Variants in NKX2-6 observed in about 807,000 individuals in gnomAD.
NKX2-6 encodes NK2 homeobox 6.
Under a neutral mutation model 8.6 loss-of-function variants are expected in NKX2-6, and 8 were observed. The observed-to-expected ratio is 0.93, with a 90% confidence interval of 0.54 to 1.67. The LOEUF is 1.67. Among genes scored for constraint, NKX2-6 ranks in the 40% most tolerant of loss-of-function variants. NKX2-6 has a pLI of 0.00. For synonymous variants in NKX2-6, 210 were observed against 199.3 expected, an observed-to-expected ratio of 1.05 and a Z score of -0.45; for missense variants, 475 against 423.1, an observed-to-expected ratio of 1.12 and a Z score of -1.08.
chr8:23,704,401 C>T (rs887539572), intron 1 of NKX2-6, among the ~76,000 whole-genome samples: 2 of 152,188 alleles, frequency 1.3e-5, no homozygotes, highest in Admixed American at 6.5e-5. Flanking sequence ...GCGTTTTCCT[C>T]CCTTCTCACT....
At position 23,706,520 on chromosome 8, in the gene NKX2-6, C is replaced by T. The variant is rs1801094795; in HGVS notation, c.79G>A (p.Ala27Thr). 6.5e-7 allele frequency: 1 copy of T among 1,537,492 alleles called. No individual in the cohort carries two copies. The highest frequency in any genetic ancestry group is 8.7e-7 in the Non-Finnish European group (1 of 1,146,928). The change falls in exon 1 of 2, where the codon GCG (alanine) becomes ACG (threonine). Residue 27 changes from alanine (A) to threonine (T), a missense_variant. By Grantham distance (58) the Ala-to-Thr change is moderately conservative (BLOSUM62 0). Transcript: ENST00000325017. ...CGCACCCGCGGATGTGGCGAAGCCG[C>T]GGGGCAGCTCCGCTCGCGCTCCAGT... ...LRLERERSCP[A>T]ASPHPRVRKS...
chr8:23,704,983 G>C (rs1312059302), intron 1 of NKX2-6, among the ~76,000 whole-genome samples: 1 of 152,214 alleles, frequency 6.6e-6, no homozygotes, highest in Admixed American at 6.5e-5. Flanking sequence ...CCGCGGCCTT[G>C]GGCTCAGTTC....
Position 23,706,670 on chromosome 8 carries a change from C to A in NKX2-6, c.-72G>T. On this transcript the variant is annotated 5_prime_UTR_variant, in exon 1 of 2. Transcript: ENST00000325017. ...GCACCCTGAACTTCCCGTCTTGTCG[C>A]TGCAGGCCCCGCAGACAGACCCAAG... The A allele has an allele frequency of 7.0e-7, 1 of 1,435,750 alleles. No homozygotes were observed. Among genetic ancestry groups the A allele is most frequent in the South Asian group, 1.4e-5 (1 of 73,474 alleles). The allele number at this position is 1,435,750 out of a possible 1,614,324, so 88.9% of individuals were successfully genotyped here.
chr8:23,704,028 C>A (rs1174538234), intron 1 of NKX2-6, among the ~76,000 whole-genome samples: 1 of 152,180 alleles, frequency 6.6e-6, no homozygotes, highest in Non-Finnish European at 1.5e-5. Context: ...GGCTGTAAGT[C>A]CAGGAGCGGG....
chr8:23,705,876 G>T (rs2117599780), intron 1 of NKX2-6, among the ~76,000 whole-genome samples: 1 of 152,328 alleles, frequency 6.6e-6, no homozygotes, highest in Non-Finnish European at 1.5e-5. Flanking sequence ...TGACCTCAGC[G>T]CCACGAGGGT....
Position 23,702,902 on chromosome 8 carries a change from T to G in NKX2-6, c.455A>C (p.Lys152Thr), listed in dbSNP as rs751396105. 17 of 1,553,606 alleles carry G rather than the reference T, an allele frequency of 1.1e-5. No individual in the cohort carries two copies. In the Admixed American group the frequency reaches 1.6e-4, roughly 14 times the overall value. The change falls in exon 2 of 2, where the codon AAG (lysine) becomes ACG (threonine). Residue 152 changes from lysine (K) to threonine (T), a missense_variant. Coordinates refer to ENST00000325017, the MANE Select transcript of NKX2-6 (RefSeq NM_001136271.3). ...GGGCGCTGACAGGTACCGCTGCTGC[T>G]TGAAGCGCCGCTCCAGGGCCAGCAC... is the stretch of plus-strand genomic sequence containing the variant. ...AQVLALERRF[K>T]QQRYLSAPER...
chr8:23,703,192 C>T lies in NKX2-6; in HGVS notation c.275-110G>A, dbSNP rs541951319. The T allele has an allele frequency of 3.6e-5, 45 of 1,244,378 alleles. No individual in the cohort carries two copies. In the Admixed American group the frequency reaches 4.0e-4, roughly 11 times the overall value. The allele number at this position is 1,244,378 out of a possible 1,614,324, so 77.1% of individuals were successfully genotyped here. A position where few individuals can be genotyped will look rare whatever the true frequency, so the allele number is the denominator to read the frequency against. On this transcript the variant is annotated intron_variant, in intron 1 of 1. Transcript: ENST00000325017. ...CCTGGCAGCCTTCACTCTGCGCAGG[C>T]TCCTCCTCCCTCCTACTGCCCCCGA... is the stretch of plus-strand genomic sequence containing the variant.
rs55778611 is a variant in NKX2-6, at chr8:23,703,375, T to C, written c.275-293A>G. Among the ~76,000 whole-genome samples the C allele has an allele frequency of 4.9e-3, 742 of 152,160 alleles. 3 individuals carry two copies. Among genetic ancestry groups the C allele is most frequent in the African/African-American group, 0.017 (695 of 41,508 alleles). Reference sequence around the variant, plus strand: ...CTAAAGGTAGACTCTAGATAAAGAGTTAAGGCAGCTCCATTTGCTTCTTAG... The same window carrying C: ...CTAAAGGTAGACTCTAGATAAAGAGCTAAGGCAGCTCCATTTGCTTCTTAG... On this transcript the variant is annotated intron_variant, in intron 1 of 1. Coordinates refer to ENST00000325017, the MANE Select transcript of NKX2-6 (RefSeq NM_001136271.3).
chr8:23,705,810 G>T (rs905299289), intron 1 of NKX2-6, among the ~76,000 whole-genome samples: 39 of 152,234 alleles, frequency 2.6e-4, no homozygotes, highest in Non-Finnish European at 1.0e-4. Flanking sequence ...AAAAATCCAT[G>T]AGGAGGAATG....
At chr8:23,703,352 A>G (rs535535649) in intron 1 of NKX2-6, among the ~76,000 whole-genome samples, 3 of 152,248 alleles carry the variant, frequency 2.0e-5, no homozygotes, top group African/African-American at 7.2e-5. Context: ...TCCTTTTCCT[A>G]AAGGTAGACT....
chr8:23,703,319 A>C lies in NKX2-6; in HGVS notation c.275-237T>G, dbSNP rs10481332. Among the ~76,000 whole-genome samples, 68,899 of 151,990 alleles carry C rather than the reference A, an allele frequency of 0.45. 15,795 individuals are homozygous for C. The highest frequency in any genetic ancestry group is 0.54 in the South Asian group (2,596 of 4,822). ...TACTGCTGGAACATAAATTGTGACA[A>C]CCTATGGTCCCTCGTGTGTGCGTCC... On this transcript the variant is annotated intron_variant, in intron 1 of 1. Coordinates refer to ENST00000325017, the MANE Select transcript of NKX2-6 (RefSeq NM_001136271.3).
intron 1 of NKX2-6, among the ~76,000 whole-genome samples, chr8:23,705,777 C>T (rs73220877): frequency 0.12 from 18,422 of 152,252 alleles, 1,397 homozygotes; most frequent in East Asian, 0.2. Context: ...GCCACCCGGT[C>T]CCCAACTTTC....
At chr8:23,704,348 C>A (rs1217191192) in intron 1 of NKX2-6, among the ~76,000 whole-genome samples, 2 of 152,112 alleles carry the variant, frequency 1.3e-5, no homozygotes, top group African/African-American at 4.8e-5. Context: ...TTCCTTTCAC[C>A]CAGGGCGACC....
At chr8:23,703,732 A>T (rs1284545590) in intron 1 of NKX2-6, among the ~76,000 whole-genome samples, 1 of 151,786 alleles carries the variant, frequency 6.6e-6, no homozygotes, top group Non-Finnish European at 1.5e-5. Context: ...AAACAAAAAA[A>T]AAACTGTGTG....
chr8:23,703,091 A>G lies in NKX2-6; in HGVS notation c.275-9T>C. 6.5e-7 allele frequency: 1 copy of G among 1,538,100 alleles called. No homozygotes were observed. ...CGCGTTCAGGCCGGGCTCTAAAAGC[A>G]CAGGAAGGGACACATCAGCGCCCAG... On this transcript the variant is annotated splice_polypyrimidine_tract_variant and intron_variant, in intron 1 of 1. Transcript: ENST00000325017.
intron 1 of NKX2-6, among the ~76,000 whole-genome samples, chr8:23,703,858 A>T (rs948817738): frequency 6.6e-6 from 1 of 151,906 alleles, no homozygotes; most frequent in African/African-American, 2.4e-5. Context: ...AGGAAGAGGA[A>T]GAGGAGGAGG....
At position 23,703,057 on chromosome 8, in the gene NKX2-6, G is replaced by T. The variant is rs1310301173; in HGVS notation, c.300C>A (p.Pro100=). ...EPQPGLNAAS[P]LGGGTRVPER... is the part of the protein sequence containing the mutation. ...CTGGCACCCTGGTCCCGCCGCCGAG[G>T]GGCGAGGCCGCGTTCAGGCCGGGCT... is the stretch of plus-strand genomic sequence containing the variant. The change falls in exon 2 of 2, where the codon CCC becomes CCA. Residue 100 remains proline, a synonymous_variant. Transcript: ENST00000325017. 13 of 1,540,172 alleles carry T rather than the reference G, an allele frequency of 8.4e-6. No individual in the cohort carries two copies. Among genetic ancestry groups the T allele is most frequent in the Non-Finnish European group, 1.1e-5 (13 of 1,146,184 alleles).
At position 23,702,534 on chromosome 8, in the gene NKX2-6, T is replaced by C. The variant is rs967655893; in HGVS notation, c.823A>G (p.Ser275Gly). 2.6e-6 allele frequency: 4 copies of C among 1,539,624 alleles called. No homozygotes were observed. The highest frequency in any genetic ancestry group is 3.5e-6 in the Non-Finnish European group (4 of 1,143,594). Residue 275 changes from serine (S) to glycine (G), a missense_variant, in exon 2 of 2, where the codon AGC (serine) becomes GGC (glycine). By Grantham distance (56) the Ser-to-Gly change is moderately conservative. Transcript: ENST00000325017. ...TGGCCACCGTGTCCGAAGCCCGCGC[T>C]GGCCAGTGGTGTGTGTGGCGCAGGA... ...SGPAPHTPLASAGFGHGGQNA... is the reference protein window; with the variant it reads ...SGPAPHTPLAGAGFGHGGQNA...
intron 1 of NKX2-6, 98 bp downstream of exon 1, chr8:23,706,227 C>A: frequency 7.9e-7 from 1 of 1,270,294 alleles, no homozygotes; most frequent in Non-Finnish European, 1.1e-6. Flanking sequence ...GAGTCTCGAA[C>A]CCAGGAGATA....
Sources: allele counts gnomAD v4.1 joint callset (sites outside exome capture counted in the v4.1 genomes callset), GRCh38; gene constraint gnomAD v4.1.1; transcripts MANE v1.5; gene names NCBI Gene and HGNC (gene_info 2026-07-23, HGNC 2026-07-21).